HERC4: variants seen among roughly 807,000 people sequenced by gnomAD.
The protein encoded by HERC4 is HECT and RLD domain containing E3 ubiquitin protein ligase 4, also known as probable E3 ubiquitin-protein ligase HERC4.
HERC4 carries 28 observed loss-of-function variants against 124.3 expected under a neutral mutation model. That is an observed-to-expected ratio of 0.23 (90% CI 0.17 to 0.31). The LOEUF (loss-of-function observed/expected upper bound fraction) is 0.31, where lower values mean the gene tolerates loss of function less well. Among genes scored for constraint, HERC4 ranks in the 10% least tolerant of loss-of-function variants. The pLI is 1.00. For missense variants in HERC4, 713 were observed against 1,229.3 expected (o/e 0.58, Z 6.28); for synonymous variants, 407 against 421.5 (o/e 0.97, Z 0.42).
intron 16 of HERC4, chr10:67,965,887 C>T (rs2034835790): frequency 6.6e-6 from 1 of 152,124 alleles, no homozygotes; most frequent in South Asian, 2.1e-4. Context: ...AACTGCTTAC[C>T]CATTTCTGCA....
chr10:67,952,386 C>T (rs949381260), intron 19 of HERC4, among the ~76,000 whole-genome samples: 1 of 151,900 alleles, frequency 6.6e-6, no homozygotes, highest in Non-Finnish European at 1.5e-5. Context: ...TGGGTTCAAG[C>T]GATTCTCCTG....
At chr10:67,979,952 A>G (rs1020610372) in intron 15 of HERC4, among the ~76,000 whole-genome samples, 7 of 152,098 alleles carry the variant, frequency 4.6e-5, no homozygotes, top group Non-Finnish European at 8.8e-5. Context: ...AAAAAGAAAA[A>G]AAAACCTGTC....
chr10:67,972,271 C>T (rs978886443), intron 15 of HERC4, among the ~76,000 whole-genome samples: 4 of 149,742 alleles, frequency 2.7e-5, no homozygotes, highest in African/African-American at 9.8e-5. Context: ...CCGGTAATCC[C>T]AGCACTTTGG....
intron 15 of HERC4, among the ~76,000 whole-genome samples, chr10:67,985,026 T>C (rs962434927): frequency 1.3e-5 from 2 of 152,244 alleles, no homozygotes; most frequent in Non-Finnish European, 1.5e-5. Flanking sequence ...ATATGATATA[T>C]ACGTTTTTGA....
intron 16 of HERC4, among the ~76,000 whole-genome samples, chr10:67,964,091 A>ATTTTTT (rs11327388): frequency 3.1e-5 from 4 of 129,240 alleles, no homozygotes; most frequent in East Asian, 4.6e-4. Context: ...CTACCACTCC[A>ATTTTTT]TTTTTTTTTT....
chr10:68,032,331 T>C (rs1003959548), intron 7 of HERC4, among the ~76,000 whole-genome samples: 14 of 152,210 alleles, frequency 9.2e-5, no homozygotes, highest in Non-Finnish European at 1.8e-4. Context: ...TGCACAATAC[T>C]TGGCCTATGA....
At chr10:67,978,972 C>T (rs571498519) in intron 15 of HERC4, among the ~76,000 whole-genome samples, 9 of 152,250 alleles carry the variant, frequency 5.9e-5, no homozygotes, top group Admixed American at 5.2e-4. Context: ...CATCCAAGTC[C>T]TTCTGAATAT....
At chr10:67,998,569 G>A (rs1346478593) in intron 9 of HERC4, among the ~76,000 whole-genome samples, 1 of 149,116 alleles carries the variant, frequency 6.7e-6, no homozygotes, top group African/African-American at 2.5e-5. Context: ...AAAAAGGGGG[G>A]GGGGTACAGT....
In HERC4 at chr10:68,059,564, AATATTATATATCATATTATATATC is replaced by A. The variant is rs1318295218; in HGVS notation, c.226+13295_226+13318del. 2.4e-4 allele frequency among the ~76,000 whole-genome samples: 18 copies of A among 75,890 alleles called. 6 individuals are homozygous for A. Among genetic ancestry groups the A allele is most frequent in the African/African-American group, 1.4e-3 (18 of 12,790 alleles). 49.8% of individuals were successfully genotyped at this position (75,890 alleles called of 152,430 possible). On this transcript the variant is annotated intron_variant, in intron 3 of 24. Transcript: ENST00000373700. The stretch of plus-strand genomic sequence containing the variant: ...TATTATATATCATAATATATATCAT[AATATTATATATCATATTATATATC>A]ATATTATATATCATAATATTATATA...
intron 19 of HERC4, among the ~76,000 whole-genome samples, chr10:67,953,892 TGCTAACATTACACAAGACA>T (rs766906997): frequency 1.1e-4 from 17 of 152,188 alleles, no homozygotes; most frequent in Non-Finnish European, 1.6e-4. Context: ...GGCACTAAGC[TGCTAACATTACACAAGACA>T]GCCAACCTCC....
At chr10:68,009,739 C>G (rs1471820393) in intron 9 of HERC4, among the ~76,000 whole-genome samples, 1 of 152,170 alleles carries the variant, frequency 6.6e-6, no homozygotes, top group Non-Finnish European at 1.5e-5. Context: ...GCATTTTACC[C>G]ACGGAACTGC....
intron 9 of HERC4, among the ~76,000 whole-genome samples, chr10:68,008,717 C>T (rs1324594065): frequency 6.6e-6 from 1 of 152,064 alleles, no homozygotes; most frequent in East Asian, 1.9e-4. Flanking sequence ...CAAAGAGATA[C>T]CTGTACACCT....
At chr10:68,071,093 G>A (rs1023756934) in intron 3 of HERC4, among the ~76,000 whole-genome samples, 3 of 151,342 alleles carry the variant, frequency 2.0e-5, no homozygotes, top group Non-Finnish European at 2.9e-5. Flanking sequence ...TGGTGTAATC[G>A]GGACAACAAT....
intron 8 of HERC4, among the ~76,000 whole-genome samples, chr10:68,015,997 G>A (rs2038242751): frequency 6.6e-6 from 1 of 152,124 alleles, no homozygotes; most frequent in Admixed American, 6.5e-5. Context: ...CAGCTACTCA[G>A]GAGGCTGAGG....
At chr10:68,051,496 C>T (rs1270027891) in intron 3 of HERC4, among the ~76,000 whole-genome samples, 3 of 150,940 alleles carry the variant, frequency 2.0e-5, no homozygotes, top group African/African-American at 7.3e-5. Context: ...AAGCGCCCGC[C>T]ACCATGCCCA....
At chr10:68,001,020 C>G (rs1429923518) in intron 9 of HERC4, among the ~76,000 whole-genome samples, 4 of 152,136 alleles carry the variant, frequency 2.6e-5, no homozygotes, top group Non-Finnish European at 5.9e-5. Flanking sequence ...GTGCCCCTTG[C>G]CTGGCTCCAG....
At chr10:68,061,532 C>CAAA (rs59169970) in intron 3 of HERC4, among the ~76,000 whole-genome samples, 530 of 13,974 alleles carry the variant, frequency 0.038, 98 homozygotes, top group East Asian at 0.23. Context: ...GACTCCGTCT[C>CAAA]AAAAAAAAAA....
At chr10:67,967,719 T>C (rs2034973416) in intron 15 of HERC4, among the ~76,000 whole-genome samples, 1 of 152,124 alleles carries the variant, frequency 6.6e-6, no homozygotes, top group Admixed American at 6.5e-5. Flanking sequence ...ATACAAATGA[T>C]CTATGAAGTA....
At chr10:67,961,384 ATATC>A (rs1385587151) in intron 16 of HERC4, 3 of 152,358 alleles carry the variant, frequency 2.0e-5, no homozygotes, top group African/African-American at 7.2e-5. Flanking sequence ...CTTTCATATC[ATATC>A]TATCTTTTTT....
Sources: allele counts gnomAD v4.1 joint callset (sites outside exome capture counted in the v4.1 genomes callset), GRCh38; gene constraint gnomAD v4.1.1; transcripts MANE v1.5; gene names NCBI Gene and HGNC (gene_info 2026-07-23, HGNC 2026-07-21).